CTNNA3: variants seen among roughly 807,000 people sequenced by gnomAD.
CTNNA3 encodes catenin alpha-3.
Under a neutral mutation model 95.7 loss-of-function variants are expected in CTNNA3, and 76 were observed. The ratio of observed to expected loss-of-function variants is 0.79; its 90% confidence interval spans 0.66 to 0.96. The LOEUF (loss-of-function observed/expected upper bound fraction) is 0.96. CTNNA3 is among the 40% of genes least tolerant of loss of function. The probability of loss-of-function intolerance (pLI) is 0.00; values close to 1 mark genes in which losing one functional copy is unlikely to be tolerated. For synonymous variants in CTNNA3, 431 were observed against 374.4 expected (o/e 1.15, Z -1.74); for missense variants, 1,191 against 1,089.8 (o/e 1.09, Z -1.31).
At chr10:66,314,329 T>C (rs868370122) in intron 12 of CTNNA3, among the ~76,000 whole-genome samples, 1 of 152,200 alleles carries the variant, frequency 6.6e-6, no homozygotes, top group Non-Finnish European at 1.5e-5. Flanking sequence ...TGTATCTTTT[T>C]TTAAAAAGGC....
chr10:66,757,875 TTC>T (rs1343724491), intron 9 of CTNNA3, among the ~76,000 whole-genome samples: 1 of 152,162 alleles, frequency 6.6e-6, no homozygotes, highest in Non-Finnish European at 1.5e-5. Context: ...GTTGCTTAAT[TTC>T]TCTCAGCTAG....
chr10:66,824,375 G>A (rs113698449), intron 7 of CTNNA3, among the ~76,000 whole-genome samples: 9 of 152,278 alleles, frequency 5.9e-5, no homozygotes, highest in African/African-American at 2.2e-4. Flanking sequence ...TAAGTACACA[G>A]GTGACTGAAT....
intron 17 of CTNNA3, among the ~76,000 whole-genome samples, chr10:65,966,311 C>T (rs2077964568): frequency 6.6e-6 from 1 of 152,170 alleles, no homozygotes; most frequent in Non-Finnish European, 1.5e-5. Flanking sequence ...GGAGTTCCAT[C>T]TGTACACATT....
intron 9 of CTNNA3, among the ~76,000 whole-genome samples, chr10:66,640,001 G>A (rs934240727): frequency 6.6e-6 from 1 of 152,018 alleles, no homozygotes; most frequent in Non-Finnish European, 1.5e-5. Context: ...CATACATGCA[G>A]ATATATTTTA....
At chr10:66,931,677 C>G (rs1299140560) in intron 7 of CTNNA3, among the ~76,000 whole-genome samples, 1 of 151,586 alleles carries the variant, frequency 6.6e-6, no homozygotes, top group Non-Finnish European at 1.5e-5. Flanking sequence ...TTATTTAATT[C>G]ATTTCCTTGG....
At chr10:66,907,278 G>A (rs1846028539) in intron 7 of CTNNA3, among the ~76,000 whole-genome samples, 1 of 151,866 alleles carries the variant, frequency 6.6e-6, no homozygotes, top group Non-Finnish European at 1.5e-5. Flanking sequence ...GTCTTTTTGT[G>A]TTTTAGTAAC....
intron 5 of CTNNA3, among the ~76,000 whole-genome samples, chr10:67,378,787 T>C (rs1450492738): frequency 6.6e-6 from 1 of 152,192 alleles, no homozygotes; most frequent in African/African-American, 2.4e-5. Flanking sequence ...ATGGTGTATA[T>C]ATACCACATT....
intron 8 of CTNNA3, among the ~76,000 whole-genome samples, chr10:66,773,555 A>G (rs974996289): frequency 6.6e-6 from 1 of 152,184 alleles, no homozygotes; most frequent in Non-Finnish European, 1.5e-5. Context: ...CACAGATGCC[A>G]TTTGACTGCC....
chr10:66,199,791 A>ATATATATATG (rs2087235780), intron 13 of CTNNA3, among the ~76,000 whole-genome samples: 2 of 12,342 alleles, frequency 1.6e-4, no homozygotes, highest in Non-Finnish European at 3.0e-4. Flanking sequence ...ATATATATAT[A>ATATATATATG]TATATATATA....
intron 7 of CTNNA3, among the ~76,000 whole-genome samples, chr10:66,930,718 A>C (rs6480240): frequency 6.6e-6 from 1 of 151,970 alleles, no homozygotes. Context: ...AGCTACTTGG[A>C]ATATAAAATA....
At chr10:66,089,604 T>A (rs1433938733) in intron 14 of CTNNA3, among the ~76,000 whole-genome samples, 1 of 151,948 alleles carries the variant, frequency 6.6e-6, no homozygotes, top group Non-Finnish European at 1.5e-5. Flanking sequence ...TTACTGTTCT[T>A]TATAAACACT....
chr10:66,352,236 T>G (rs758061348), intron 12 of CTNNA3, among the ~76,000 whole-genome samples: 2 of 152,106 alleles, frequency 1.3e-5, no homozygotes, highest in Non-Finnish European at 2.9e-5. Context: ...CAAACATACA[T>G]GGGCTCTTTG....
At chr10:66,940,424 C>T (rs1847938412) in intron 7 of CTNNA3, among the ~76,000 whole-genome samples, 1 of 152,018 alleles carries the variant, frequency 6.6e-6, no homozygotes, top group African/African-American at 2.4e-5. Flanking sequence ...CAGTGAGCAA[C>T]GATTGCACCA....
intron 3 of CTNNA3, among the ~76,000 whole-genome samples, chr10:67,581,590 G>A (rs571792411): frequency 7.2e-5 from 11 of 152,290 alleles, no homozygotes; most frequent in African/African-American, 2.6e-4. Context: ...AGTTAGGGAG[G>A]ATTCCCTCTT....
chr10:67,301,329 G>A (rs1448685022), intron 5 of CTNNA3, among the ~76,000 whole-genome samples: 1 of 152,160 alleles, frequency 6.6e-6, no homozygotes, highest in Admixed American at 6.5e-5. Flanking sequence ...TGTTAGAATG[G>A]TTTTTATCAA....
chr10:66,419,610 G>T (rs1207936980), intron 11 of CTNNA3, among the ~76,000 whole-genome samples: 1 of 152,034 alleles, frequency 6.6e-6, no homozygotes, highest in Non-Finnish European at 1.5e-5. Flanking sequence ...TAATAAAGCT[G>T]GAGGCATCAT....
At chr10:67,371,068 G>A (rs1330516068) in intron 5 of CTNNA3, among the ~76,000 whole-genome samples, 19 of 151,210 alleles carry the variant, frequency 1.3e-4, no homozygotes, top group African/African-American at 3.4e-4. Flanking sequence ...GGGTTTCACC[G>A]TTTTAGCCTG....
intron 13 of CTNNA3, among the ~76,000 whole-genome samples, chr10:66,248,948 C>G (rs1160013151): frequency 6.6e-6 from 1 of 152,096 alleles, no homozygotes; most frequent in Non-Finnish European, 1.5e-5. Context: ...GGCATTAAAA[C>G]AGACACATAG....
intron 7 of CTNNA3, among the ~76,000 whole-genome samples, chr10:66,788,410 T>G (rs1437546038): frequency 2.0e-5 from 3 of 152,150 alleles, no homozygotes; most frequent in Non-Finnish European, 4.4e-5. Flanking sequence ...TGCAGGAGAT[T>G]GCTGTGATGA....
Sources: gnomAD v4.1 joint callset for allele counts (sites outside exome capture counted in the v4.1 genomes callset) on GRCh38, gnomAD v4.1.1 for gene constraint, MANE v1.5 for transcripts, NCBI Gene and HGNC (gene_info 2026-07-23, HGNC 2026-07-21) for gene names.